The following PHACTR1 variants were observed in gnomAD, a reference collection of about 807,000 sequenced individuals.
PHACTR1 encodes the protein RPEL repeat containing 1.
Under a neutral mutation model 69.2 loss-of-function variants are expected in PHACTR1, and 16 were observed. The observed-to-expected ratio is 0.23, with a 90% confidence interval of 0.16 to 0.35. PHACTR1 has a LOEUF of 0.35. Among genes scored for constraint, PHACTR1 ranks in the 10% least tolerant of loss-of-function variants. The probability of loss-of-function intolerance (pLI) is 1.00; values close to 1 mark genes in which losing one functional copy is unlikely to be tolerated. For synonymous variants in PHACTR1, 312 were observed against 284.5 expected (o/e 1.10, Z -0.97); for missense variants, 510 against 734.7 (o/e 0.69, Z 3.54).
rs554287925 is a variant in PHACTR1, at chr6:12,849,337, G to A, written c.250+99547G>A. On this transcript the variant is annotated intron_variant, in intron 4 of 14. Transcript: ENST00000332995. ...CGGTGATTCGGTCAGCCAGACCTTC[G>A]TTTCCTTGTATGAACACATATACTT... 3.3e-5 allele frequency among the ~76,000 whole-genome samples: 5 copies of A among 152,190 alleles called. No homozygotes were observed. The South Asian group carries it at 8.3e-4, about 25-fold the overall frequency.
At chr6:13,100,689 TC>T (rs1204930652) in intron 5 of PHACTR1, among the ~76,000 whole-genome samples, 2 of 152,222 alleles carry the variant, frequency 1.3e-5, no homozygotes, top group Admixed American at 1.3e-4. Context: ...CTTTAGGAAA[TC>T]CTCTGTGGAG....
intron 5 of PHACTR1, among the ~76,000 whole-genome samples, chr6:13,072,580 A>G (rs1221975427): frequency 6.6e-6 from 1 of 152,168 alleles, no homozygotes; most frequent in African/African-American, 2.4e-5. Flanking sequence ...ACCTTATGTC[A>G]TAGTAGAAAC....
chr6:13,180,199 G>C (rs375341894), intron 6 of PHACTR1, among the ~76,000 whole-genome samples: 1 of 152,170 alleles, frequency 6.6e-6, no homozygotes, highest in Non-Finnish European at 1.5e-5. Flanking sequence ...AACTGTTTCT[G>C]TTAGGTAGGG....
Position 13,287,277 on chromosome 6 carries a change from G to T in PHACTR1, c.*199G>T, listed in dbSNP as rs1584494087. The T allele has an allele frequency of 1.6e-5, 10 of 614,286 alleles. No homozygotes were observed. In the South Asian group the frequency reaches 2.1e-4, roughly 13 times the overall value. 38.1% of individuals were successfully genotyped at this position (614,286 alleles called of 1,614,324 possible). A position where few individuals can be genotyped will look rare whatever the true frequency, so the allele number is the denominator to read the frequency against. ...AAGTGATGGCTCGGCGGTCCGAGCT[G>T]CTGGTCCCACTTCTGACACCAAAAT... On this transcript the variant is annotated 3_prime_UTR_variant, in exon 15 of 15. Transcript: ENST00000332995.
intron 6 of PHACTR1, among the ~76,000 whole-genome samples, chr6:13,165,418 A>G (rs1278112042): frequency 2.0e-5 from 3 of 152,224 alleles, no homozygotes; most frequent in Non-Finnish European, 4.4e-5. Flanking sequence ...CTATGTATGT[A>G]TTTATTCATT....
At position 13,228,049 on chromosome 6, in the gene PHACTR1, G is replaced by A. The variant is rs781418791; in HGVS notation, c.1220G>A (p.Ser407Asn). Residue 407 changes from serine to asparagine, a missense_variant, in exon 9 of 15, where the codon AGC becomes AAC. By Grantham distance (46) the Ser-to-Asn change is conservative. Transcript: ENST00000332995. ...GAGGAGGAGGACGAAGACGACGACA[G>A]CTCATTATACACCAGTGCGTTCATC... Reference protein sequence around the residue: ...EEEEEDEDDDSSLYTSSLAMK... With the variant: ...EEEEEDEDDDNSLYTSSLAMK... 1 of 1,612,242 alleles carries A rather than the reference G, an allele frequency of 6.2e-7. No individual in the cohort carries two copies. Among genetic ancestry groups the A allele is most frequent in the East Asian group, 2.2e-5 (1 of 44,878 alleles).
intron 4 of PHACTR1, among the ~76,000 whole-genome samples, chr6:13,000,079 G>T (rs1244745558): frequency 6.6e-6 from 1 of 152,194 alleles, no homozygotes; most frequent in Admixed American, 6.5e-5. Context: ...GTTGGTCAGG[G>T]TGTACTGCAG....
chr6:12,853,307 G>A (rs1780009398), intron 4 of PHACTR1, among the ~76,000 whole-genome samples: 2 of 152,066 alleles, frequency 1.3e-5, no homozygotes, highest in African/African-American at 4.8e-5. Flanking sequence ...CCTATTCATG[G>A]ACTCAGCCTC....
intron 4 of PHACTR1, among the ~76,000 whole-genome samples, chr6:12,856,039 TA>T (rs1780320640): frequency 6.6e-6 from 1 of 152,108 alleles, no homozygotes. Context: ...AGATTGTGAC[TA>T]AAGGTAACAT....
chr6:12,839,605 C>T (rs900542867), intron 4 of PHACTR1, among the ~76,000 whole-genome samples: 9 of 152,098 alleles, frequency 5.9e-5, no homozygotes, highest in African/African-American at 1.4e-4. Context: ...TTATCTTGGT[C>T]TCCTCAAGCC....
At chr6:12,820,328 A>G (rs1389776706) in intron 4 of PHACTR1, among the ~76,000 whole-genome samples, 1 of 151,992 alleles carries the variant, frequency 6.6e-6, no homozygotes, top group Admixed American at 6.6e-5. Context: ...CTACAGGCGC[A>G]TGCCACCACG....
chr6:13,133,318 T>C (rs923833434), intron 5 of PHACTR1, among the ~76,000 whole-genome samples: 1 of 144,406 alleles, frequency 6.9e-6, no homozygotes, highest in Admixed American at 6.9e-5. Flanking sequence ...TCTCCCTCTC[T>C]CTCCACGGTC....
At chr6:13,230,842 C>T (rs978829908) in intron 10 of PHACTR1, among the ~76,000 whole-genome samples, 2 of 152,084 alleles carry the variant, frequency 1.3e-5, no homozygotes, top group African/African-American at 2.4e-5. Context: ...CAAAGTAAAA[C>T]CCCATCTCTA....
At chr6:13,101,470 G>A (rs1815146032) in intron 5 of PHACTR1, among the ~76,000 whole-genome samples, 2 of 152,154 alleles carry the variant, frequency 1.3e-5, no homozygotes, top group Admixed American at 1.3e-4. Context: ...TGACCACACC[G>A]AGTACACCTG....
intron 4 of PHACTR1, among the ~76,000 whole-genome samples, chr6:12,804,086 A>T (rs1451040816): frequency 6.6e-6 from 1 of 152,254 alleles, no homozygotes; most frequent in Non-Finnish European, 1.5e-5. Context: ...ATCTGACCTT[A>T]GCATGACTAA....
At position 13,064,610 on chromosome 6, in the gene PHACTR1, A is replaced by ATCTATC. The variant is rs1561776566; in HGVS notation, c.415+11082_415+11083insCTATCT. ...TATATATATATATATATATATCTAT[A>ATCTATC]TATCTATCTATCCACACTTGCCAGA... On this transcript the variant is annotated intron_variant, in intron 5 of 14. Coordinates refer to ENST00000332995, the MANE Select transcript of PHACTR1 (RefSeq NM_030948.6). 5.4e-4 allele frequency among the ~76,000 whole-genome samples: 5 copies of ATCTATC among 9,270 alleles called. 1 individual carries two copies. The highest frequency in any genetic ancestry group is 1.2e-3 in the African/African-American group (2 of 1,724). 6.1% of individuals were successfully genotyped at this position (9,270 alleles called of 152,430 possible).
At chr6:13,258,096 G>C (rs1239759095) in intron 10 of PHACTR1, among the ~76,000 whole-genome samples, 1 of 152,168 alleles carries the variant, frequency 6.6e-6, no homozygotes, top group African/African-American at 2.4e-5. Context: ...AGTGGCTCAT[G>C]CCTGTAATCC....
At chr6:13,097,763 T>C (rs1814512799) in intron 5 of PHACTR1, among the ~76,000 whole-genome samples, 2 of 152,154 alleles carry the variant, frequency 1.3e-5, no homozygotes, top group African/African-American at 4.8e-5. Context: ...AGAGACTTAC[T>C]CCTCCTCTAG....
chr6:12,877,646 G>T (rs1268900182), intron 4 of PHACTR1, among the ~76,000 whole-genome samples: 1 of 152,058 alleles, frequency 6.6e-6, no homozygotes, highest in Non-Finnish European at 1.5e-5. Flanking sequence ...TTCCCCATTT[G>T]TGTGGCTCTG....
Sources: allele counts gnomAD v4.1 joint callset (sites outside exome capture counted in the v4.1 genomes callset), GRCh38; gene constraint gnomAD v4.1.1; transcripts MANE v1.5; gene names NCBI Gene and HGNC (gene_info 2026-07-23, HGNC 2026-07-21).